KHDRBS2: variants seen among roughly 807,000 people sequenced by gnomAD.
KHDRBS2 encodes the protein KH domain-containing, RNA-binding, signal transduction-associated protein 2.
Under a neutral mutation model 44.3 loss-of-function variants are expected in KHDRBS2, and 26 were observed. The observed-to-expected ratio is 0.59, with a 90% CI of 0.43 to 0.81. KHDRBS2 has a LOEUF of 0.81. Ranked by LOEUF, KHDRBS2 falls within the 40% of genes least tolerant of loss-of-function variation. The pLI, the probability that KHDRBS2 is intolerant of heterozygous loss-of-function variation, is 0.00. For missense variants in KHDRBS2, 476 were observed against 433.1 expected (o/e 1.10, Z -0.88); for synonymous variants, 194 against 151.1 (o/e 1.28, Z -2.08).
At chr6:62,039,635 G>A (rs1045451718) in intron 3 of KHDRBS2, among the ~76,000 whole-genome samples, 4 of 151,998 alleles carry the variant, frequency 2.6e-5, no homozygotes, top group Non-Finnish European at 4.4e-5. Flanking sequence ...TCAATAAAAT[G>A]TAAGAAATGA....
At chr6:61,832,976 A>C (rs1233720645) in intron 6 of KHDRBS2, among the ~76,000 whole-genome samples, 1 of 152,230 alleles carries the variant, frequency 6.6e-6, no homozygotes, top group Non-Finnish European at 1.5e-5. Context: ...TTTTTATCAA[A>C]ACCTTAATAG....
chr6:62,117,834 G>C (rs1806640986), intron 2 of KHDRBS2, among the ~76,000 whole-genome samples: 1 of 151,894 alleles, frequency 6.6e-6, no homozygotes, highest in African/African-American at 2.4e-5. Flanking sequence ...GGAGTGCAGT[G>C]GCGTGATCTC....
chr6:61,724,025 G>T (rs1031146653), intron 7 of KHDRBS2, among the ~76,000 whole-genome samples: 8 of 152,070 alleles, frequency 5.3e-5, no homozygotes, highest in African/African-American at 1.9e-4. Flanking sequence ...GATTTTCCAA[G>T]GTTGAAGTGA....
At chr6:61,773,791 T>G (rs1781438426) in intron 6 of KHDRBS2, among the ~76,000 whole-genome samples, 1 of 151,286 alleles carries the variant, frequency 6.6e-6, no homozygotes, top group African/African-American at 2.4e-5. Flanking sequence ...AATGTTTAAG[T>G]CTTTAAACCA....
intron 2 of KHDRBS2, among the ~76,000 whole-genome samples, chr6:62,076,154 A>C (rs1255031249): frequency 2.0e-5 from 3 of 151,792 alleles, no homozygotes; most frequent in African/African-American, 7.3e-5. Flanking sequence ...GCGCAAACTG[A>C]TTTTTGGATT....
intron 1 of KHDRBS2, among the ~76,000 whole-genome samples, chr6:62,215,035 T>A (rs1172712401): frequency 6.6e-6 from 1 of 151,822 alleles, no homozygotes; most frequent in Non-Finnish European, 1.5e-5. Flanking sequence ...TTTTGTTGAA[T>A]TTTCCATTGT....
intron 7 of KHDRBS2, among the ~76,000 whole-genome samples, chr6:61,718,462 G>T (rs1771806996): frequency 6.6e-6 from 1 of 152,086 alleles, no homozygotes; most frequent in South Asian, 2.1e-4. Context: ...AATTTTAGAT[G>T]TTGTGCTGGA....
At chr6:61,675,318 C>G (rs975704005), downstream of KHDRBS2, among the ~76,000 whole-genome samples, 8 of 151,654 alleles carry the variant, frequency 5.3e-5, no homozygotes, top group African/African-American at 1.9e-4. Context: ...GATAACCTTT[C>G]ATATGTCATT....
At chr6:61,678,509 C>G (rs578214931), downstream of KHDRBS2, among the ~76,000 whole-genome samples, 6 of 152,024 alleles carry the variant, frequency 3.9e-5, no homozygotes, top group African/African-American at 1.4e-4. Context: ...TACCCTGTCC[C>G]TTCCCTTTAT....
the KHDRBS2 span, chr6:61,574,493 A>G: frequency 8.8e-7 from 1 of 1,132,946 alleles, no homozygotes; most frequent in Non-Finnish European, 1.2e-6. Context: ...CCAAACCTGC[A>G]TTAAAAATTT....
At chr6:62,257,349 C>A (rs1021834206) in intron 1 of KHDRBS2, among the ~76,000 whole-genome samples, 10 of 151,992 alleles carry the variant, frequency 6.6e-5, no homozygotes, top group Non-Finnish European at 1.5e-4. Flanking sequence ...CAGTGCTATA[C>A]ACACTGATTC....
Position 61,710,236 on chromosome 6 carries a change from G to A in KHDRBS2, c.894-12983C>T, listed in dbSNP as rs182545535. On this transcript the variant is annotated intron_variant, in intron 7 of 8. Transcript: ENST00000281156. ...CACCCAGAAACTCTTGGCATGTACCGAAAGTCAGGTGAAGTTTTTACTGTT... is the reference window on the plus strand; with the variant it reads ...CACCCAGAAACTCTTGGCATGTACCAAAAGTCAGGTGAAGTTTTTACTGTT... Among the ~76,000 whole-genome samples the A allele has an allele frequency of 3.9e-4, 59 of 151,734 alleles. 1 individual carries two copies. Among genetic ancestry groups the A allele is most frequent in the Non-Finnish European group, 4.6e-4 (31 of 67,748 alleles).
At chr6:62,222,268 C>T (rs1393240772) in intron 1 of KHDRBS2, among the ~76,000 whole-genome samples, 4 of 149,082 alleles carry the variant, frequency 2.7e-5, no homozygotes, top group African/African-American at 7.4e-5. Flanking sequence ...GAGTGGGGGT[C>T]TTGGGGAGAA....
intron 6 of KHDRBS2, among the ~76,000 whole-genome samples, chr6:61,820,899 C>G (rs1417172203): frequency 6.6e-6 from 1 of 151,920 alleles, no homozygotes; most frequent in African/African-American, 2.4e-5. Context: ...AATGTGCTAC[C>G]TGGATAGCCA....
At chr6:62,024,103 A>C (rs1171725061) in intron 3 of KHDRBS2, among the ~76,000 whole-genome samples, 1 of 151,314 alleles carries the variant, frequency 6.6e-6, no homozygotes, top group South Asian at 2.1e-4. Flanking sequence ...ATATCTTAAT[A>C]TCTTTCTCAT....
At chr6:61,802,903 C>T (rs1786514652) in intron 6 of KHDRBS2, among the ~76,000 whole-genome samples, 1 of 152,038 alleles carries the variant, frequency 6.6e-6, no homozygotes, top group African/African-American at 2.4e-5. Context: ...ATGAAACAGC[C>T]ATGAGTAAAA....
At chr6:61,844,226 C>T (rs1275408283) in intron 6 of KHDRBS2, among the ~76,000 whole-genome samples, 4 of 152,102 alleles carry the variant, frequency 2.6e-5, no homozygotes. Flanking sequence ...TAAAAATAAG[C>T]TATTAACTGG....
At chr6:61,982,193 T>C (rs1773978776) in intron 3 of KHDRBS2, among the ~76,000 whole-genome samples, 1 of 144,480 alleles carries the variant, frequency 6.9e-6, no homozygotes, top group African/African-American at 2.6e-5. Flanking sequence ...GGTAATGTGA[T>C]GAAGAAATAA....
intron 8 of KHDRBS2, among the ~76,000 whole-genome samples, chr6:61,692,839 T>G (rs1489055146): frequency 6.6e-6 from 1 of 152,062 alleles, no homozygotes; most frequent in African/African-American, 2.4e-5. Context: ...CCTGCCAATG[T>G]GAGCTGCAGA....
Sources: gnomAD v4.1 joint callset for allele counts (sites outside exome capture counted in the v4.1 genomes callset) on GRCh38, gnomAD v4.1.1 for gene constraint, MANE v1.5 for transcripts, NCBI Gene and HGNC (gene_info 2026-07-23, HGNC 2026-07-21) for gene names.